The following AFG2A variants were observed in gnomAD, a reference collection of about 807,000 sequenced individuals.
AFG2A encodes AAA ATPase AFG2A.
the AFG2A span, among the ~76,000 whole-genome samples, chr4:123,248,995 A>T: frequency 6.6e-6 from 1 of 152,208 alleles, no homozygotes; most frequent in Non-Finnish European, 1.5e-5. Flanking sequence ...ACATTATATC[A>T]ATATAGATAT....
chr4:123,189,074 T>C, the AFG2A span, among the ~76,000 whole-genome samples: 6 of 152,314 alleles, frequency 3.9e-5, no homozygotes, highest in Admixed American at 3.3e-4. Context: ...CTAAAACTGG[T>C]ATCCTAAAAG....
the AFG2A span, among the ~76,000 whole-genome samples, chr4:123,286,687 C>G: frequency 6.6e-6 from 1 of 152,030 alleles, no homozygotes; most frequent in Non-Finnish European, 1.5e-5. Flanking sequence ...CACACATCGA[C>G]CTGGTTATAA....
At chr4:123,158,635 T>C in the AFG2A span, among the ~76,000 whole-genome samples, 1 of 152,136 alleles carries the variant, frequency 6.6e-6, no homozygotes, top group African/African-American at 2.4e-5. Flanking sequence ...AGGCAGTATA[T>C]AAACATACTT....
At chr4:122,947,600 A>G in the AFG2A span, 1 of 1,272,588 alleles carries the variant, frequency 7.9e-7, no homozygotes, top group East Asian at 2.7e-5. Context: ...TTTGTTTCTA[A>G]TTATAAAATG....
At chr4:123,252,135 C>T in the AFG2A span, among the ~76,000 whole-genome samples, 7 of 152,022 alleles carry the variant, frequency 4.6e-5, no homozygotes, top group African/African-American at 7.2e-5. Flanking sequence ...CATATAGAAA[C>T]CTATACAAAC....
chr4:123,224,740 T>G, the AFG2A span, among the ~76,000 whole-genome samples: 2 of 152,214 alleles, frequency 1.3e-5, no homozygotes, highest in Non-Finnish European at 1.5e-5. Context: ...ATGGGATGGC[T>G]GGGTCAAATG....
chr4:123,009,182 G>A, the AFG2A span, among the ~76,000 whole-genome samples: 1 of 152,198 alleles, frequency 6.6e-6, no homozygotes, highest in Non-Finnish European at 1.5e-5. Flanking sequence ...AGTCACATGG[G>A]AACACACTTA....
At chr4:123,054,547 T>C in the AFG2A span, among the ~76,000 whole-genome samples, 1 of 152,116 alleles carries the variant, frequency 6.6e-6, no homozygotes, top group Non-Finnish European at 1.5e-5. Flanking sequence ...TGAAACCCTG[T>C]CTCTACTAAA....
At chr4:122,937,975 C>A in the AFG2A span, 1 of 755,754 alleles carries the variant, frequency 1.3e-6, no homozygotes, top group Non-Finnish European at 1.9e-6. Flanking sequence ...TAGAATGAAT[C>A]TAAGGATTTT....
chr4:123,148,710 C>A, the AFG2A span, among the ~76,000 whole-genome samples: 2 of 151,588 alleles, frequency 1.3e-5, no homozygotes, highest in African/African-American at 4.8e-5. Flanking sequence ...AGGTACATAC[C>A]TTGCCAAAAA....
the AFG2A span, among the ~76,000 whole-genome samples, chr4:123,234,244 T>A: frequency 6.6e-6 from 1 of 152,144 alleles, no homozygotes; most frequent in African/African-American, 2.4e-5. Flanking sequence ...GGTTATACAA[T>A]CTGACGGTAT....
chr4:123,299,461 C>A, the AFG2A span, among the ~76,000 whole-genome samples: 1 of 152,114 alleles, frequency 6.6e-6, no homozygotes, highest in Non-Finnish European at 1.5e-5. Context: ...GCACTTGTTT[C>A]AATTATCTCC....
chr4:123,282,097 A>G, the AFG2A span, among the ~76,000 whole-genome samples: 1 of 152,202 alleles, frequency 6.6e-6, no homozygotes, highest in South Asian at 2.1e-4. Context: ...TATTGAGTAT[A>G]GTGGGCAGGC....
the AFG2A span, among the ~76,000 whole-genome samples, chr4:123,053,859 G>A: frequency 6.6e-6 from 1 of 152,296 alleles, no homozygotes; most frequent in East Asian, 1.9e-4. Flanking sequence ...GGCTTAGACT[G>A]GGTCTCCTCA....
At chr4:123,207,964 A>G in the AFG2A span, among the ~76,000 whole-genome samples, 285 of 152,286 alleles carry the variant, frequency 1.9e-3, 1 homozygote, top group African/African-American at 6.1e-3. Flanking sequence ...AGGGGCCCCA[A>G]ATAGCCAAAA....
the AFG2A span, among the ~76,000 whole-genome samples, chr4:123,155,801 A>G: frequency 6.6e-6 from 1 of 152,196 alleles, no homozygotes; most frequent in South Asian, 2.1e-4. Flanking sequence ...ATCCCTCATG[A>G]ATACCAGAGA....
chr4:123,236,187 A>C, the AFG2A span, among the ~76,000 whole-genome samples: 1 of 152,212 alleles, frequency 6.6e-6, no homozygotes, highest in Non-Finnish European at 1.5e-5. Context: ...TCAAGGCTTC[A>C]TAGATACTGT....
the AFG2A span, among the ~76,000 whole-genome samples, chr4:123,120,135 G>A: frequency 1.2e-4 from 19 of 152,192 alleles, no homozygotes; most frequent in Non-Finnish European, 2.5e-4. Context: ...CAACACTGAC[G>A]AGCCATTTCA....
chr4:123,162,933 C>T, the AFG2A span, among the ~76,000 whole-genome samples: 1 of 152,138 alleles, frequency 6.6e-6, no homozygotes, highest in African/African-American at 2.4e-5. Flanking sequence ...GAACCTCATA[C>T]ATATTTGATA....
Sources: allele counts gnomAD v4.1 joint callset (sites outside exome capture counted in the v4.1 genomes callset), GRCh38; gene constraint gnomAD v4.1.1; transcripts MANE v1.5; gene names NCBI Gene and HGNC (gene_info 2026-07-23, HGNC 2026-07-21).